MEIKIN: variants seen among roughly 807,000 people sequenced by gnomAD.
MEIKIN encodes meiosis-specific kinetochore protein.
intron 8 of MEIKIN, among the ~76,000 whole-genome samples, chr5:131,900,472 C>A (rs907732889): frequency 6.6e-6 from 1 of 152,048 alleles, no homozygotes; most frequent in African/African-American, 2.4e-5. Context: ...TGGCAGGAGA[C>A]CTCATGACCC....
chr5:131,872,690 T>C (rs1750527914), intron 9 of MEIKIN, among the ~76,000 whole-genome samples: 1 of 152,014 alleles, frequency 6.6e-6, no homozygotes, highest in Middle Eastern at 3.4e-3. Context: ...CCAAGACACA[T>C]AATTGTCAGA....
chr5:131,823,123 C>A (rs547378413), intron 11 of MEIKIN, among the ~76,000 whole-genome samples: 2 of 151,996 alleles, frequency 1.3e-5, no homozygotes, highest in Non-Finnish European at 2.9e-5. Flanking sequence ...GATCTTTTCT[C>A]TATCCTTGAC....
intron 6 of MEIKIN, 112 bp downstream of exon 6, chr5:131,921,710 C>T: frequency 2.5e-6 from 1 of 394,226 alleles, no homozygotes; most frequent in Non-Finnish European, 4.5e-6. Flanking sequence ...TAGATATTAT[C>T]TGTAGCCAAA....
intron 8 of MEIKIN, among the ~76,000 whole-genome samples, chr5:131,886,969 C>T (rs927648497): frequency 9.5e-6 from 1 of 105,598 alleles, no homozygotes; most frequent in Non-Finnish European, 1.7e-5. Context: ...CACCCTAATG[C>T]TATCCATCCC....
intron 11 of MEIKIN, among the ~76,000 whole-genome samples, chr5:131,836,213 A>C (rs1749803476): frequency 2.0e-5 from 3 of 152,126 alleles, no homozygotes; most frequent in Admixed American, 2.0e-4. Flanking sequence ...ATGTTCCTGC[A>C]AAAGACATGA....
At chr5:131,941,553 T>C (rs1033089255) in intron 4 of MEIKIN, among the ~76,000 whole-genome samples, 8 of 152,198 alleles carry the variant, frequency 5.3e-5, no homozygotes, top group Non-Finnish European at 8.8e-5. Context: ...TTTTTCCTGC[T>C]GTTGATATGT....
At chr5:131,875,067 C>G (rs1373565202) in intron 9 of MEIKIN, among the ~76,000 whole-genome samples, 4 of 152,158 alleles carry the variant, frequency 2.6e-5, no homozygotes, top group Non-Finnish European at 5.9e-5. Context: ...GGAAGCATTC[C>G]CTTTGAAAAC....
intron 1 of MEIKIN, 49 bp from the exon 2 acceptor site, chr5:131,945,298 C>CG (rs1419560133): frequency 2.0e-5 from 8 of 398,874 alleles, no homozygotes; most frequent in Non-Finnish European, 2.2e-5. Flanking sequence ...CCACCGGCTT[C>CG]GGGGGGGTCC....
chr5:131,918,724 A>T (rs550009893), intron 6 of MEIKIN, among the ~76,000 whole-genome samples: 1 of 152,330 alleles, frequency 6.6e-6, no homozygotes, highest in East Asian at 1.9e-4. Context: ...CAATAGACCA[A>T]AGTAGAAGTC....
intron 8 of MEIKIN, among the ~76,000 whole-genome samples, chr5:131,891,849 G>A (rs913795181): frequency 2.0e-5 from 3 of 152,172 alleles, no homozygotes; most frequent in Non-Finnish European, 2.9e-5. Flanking sequence ...TGCAGTGGAT[G>A]GTACCGGTTG....
intron 1 of MEIKIN, 50 bp from the exon 2 acceptor site, chr5:131,945,299 G>A (rs1277297963): frequency 5.0e-6 from 2 of 398,834 alleles, no homozygotes; most frequent in Non-Finnish European, 8.8e-6. Flanking sequence ...CACCGGCTTC[G>A]GGGGGGTCCT....
intron 3 of MEIKIN, among the ~76,000 whole-genome samples, chr5:131,943,711 T>C (rs898299826): frequency 6.6e-6 from 1 of 152,208 alleles, no homozygotes; most frequent in African/African-American, 2.4e-5. Context: ...ATAAATACTC[T>C]ACAAGGACTA....
Position 131,866,468 on chromosome 5 carries a change from G to C in MEIKIN, c.775-11634C>G, listed in dbSNP as rs145443462. On this transcript the variant is annotated intron_variant, in intron 9 of 12. Transcript: ENST00000442687. ...CTGTGGCCATTGGCAGAATGCTCAG[G>C]TGGAGGCAGCAGCAGCTGTGCTGTG... Among the ~76,000 whole-genome samples, 24 of 152,318 alleles carry C rather than the reference G, an allele frequency of 1.6e-4. No individual in the cohort carries two copies. In the East Asian group the frequency reaches 4.3e-3, roughly 27 times the overall value.
At chr5:131,873,943 C>G (rs1561740367) in intron 9 of MEIKIN, among the ~76,000 whole-genome samples, 1 of 152,074 alleles carries the variant, frequency 6.6e-6, no homozygotes, top group African/African-American at 2.4e-5. Context: ...TCTTTGAAAC[C>G]AACGACAACA....
intron 8 of MEIKIN, among the ~76,000 whole-genome samples, chr5:131,898,667 C>T (rs1230912583): frequency 6.6e-6 from 1 of 152,252 alleles, no homozygotes; most frequent in African/African-American, 2.4e-5. Flanking sequence ...TCCACCCTCA[C>T]AGGTCAATCT....
At chr5:131,831,322 G>GT (rs1393715333) in intron 11 of MEIKIN, among the ~76,000 whole-genome samples, 7 of 152,198 alleles carry the variant, frequency 4.6e-5, no homozygotes, top group Admixed American at 4.6e-4. Context: ...GGCCAAGGCA[G>GT]TAAGACTGCT....
chr5:131,812,670 C>T (rs1773017240), intron 12 of MEIKIN, among the ~76,000 whole-genome samples: 1 of 151,896 alleles, frequency 6.6e-6, no homozygotes, highest in South Asian at 2.1e-4. Flanking sequence ...TGAAGGGAGG[C>T]CCAGAACAAG....
intron 8 of MEIKIN, among the ~76,000 whole-genome samples, chr5:131,905,500 G>C (rs1751228713): frequency 6.6e-6 from 1 of 151,608 alleles, no homozygotes; most frequent in Non-Finnish European, 1.5e-5. Context: ...ATGAATCAGG[G>C]GCTACTTCTC....
rs982130035 is a variant in MEIKIN at position 131,944,692 on chromosome 5, G to A, written c.261C>T (p.Thr87=). 2.5e-6 allele frequency: 1 copy of A among 398,866 alleles called. No homozygotes were observed. Among genetic ancestry groups the A allele is most frequent in the African/African-American group, 2.1e-5 (1 of 48,578 alleles). The allele number at this position is 398,866 out of a possible 1,614,324, so 24.7% of individuals were successfully genotyped here. The part of the protein sequence containing the change: ...SLQENRSSED[T]QDEKIASLRE... Reference sequence around the variant, plus strand: ...GCAACGATGCAATCTTCTCATCCTGGGTGTCTTCACTAGACCTATTTTCTT... The same window carrying A: ...GCAACGATGCAATCTTCTCATCCTGAGTGTCTTCACTAGACCTATTTTCTT... Residue 87 remains threonine, a synonymous_variant, in exon 3 of 13, where the codon ACC becomes ACT. Coordinates refer to ENST00000442687, the MANE Select transcript of MEIKIN (RefSeq NM_001303622.2).
Sources: gnomAD v4.1 joint callset for allele counts (sites outside exome capture counted in the v4.1 genomes callset) on GRCh38, gnomAD v4.1.1 for gene constraint, MANE v1.5 for transcripts, NCBI Gene and HGNC (gene_info 2026-07-23, HGNC 2026-07-21) for gene names.